Variants in DTX1 observed in about 807,000 individuals in gnomAD.
The protein encoded by DTX1 is deltex E3 ubiquitin ligase 1, also known as E3 ubiquitin-protein ligase DTX1.
DTX1 carries 26 observed loss-of-function variants against 57.8 expected under a neutral mutation model. The ratio of observed to expected loss-of-function variants is 0.45; its 90% CI spans 0.33 to 0.62. The LOEUF (loss-of-function observed/expected upper bound fraction) is 0.62. Ranked by LOEUF, DTX1 falls within the 20% of genes least tolerant of loss-of-function variation. The pLI is 0.02. For synonymous variants in DTX1, 398 were observed against 394.1 expected (o/e 1.01, Z -0.12); for missense variants, 704 against 895.3 (o/e 0.79, Z 2.73).
chr12:113,077,409 C>G lies in DTX1; in HGVS notation c.260-15C>G, dbSNP rs763660432. 4.4e-6 allele frequency: 7 copies of G among 1,588,460 alleles called. No homozygotes were observed. Among genetic ancestry groups the G allele is most frequent in the Non-Finnish European group, 6.0e-6 (7 of 1,171,236 alleles). On this transcript the variant is annotated splice_polypyrimidine_tract_variant and intron_variant, in intron 2 of 9. Coordinates refer to ENST00000548759, the MANE Select transcript of DTX1 (RefSeq NM_004416.3). This position sits in a 1 kb window ranked among gnomAD's most constrained non-coding sequence, Gnocchi z 7.8. ...CGCCCGCTGTGCTGACGCCTCCTCC[C>G]CATTTCGAGTACAGGCACCATGCGG...
Position 113,092,792 on chromosome 12 carries a change from A to G in DTX1, c.942-370A>G, listed in dbSNP as rs559701594. ...ATGGAAATTAATAATGCTACATCTA[A>G]CAAGCTTTGAGAGATGTTAAAATAG... is the stretch of plus-strand genomic sequence containing the variant. On this transcript the variant is annotated intron_variant, in intron 3 of 9. Coordinates refer to ENST00000548759, the MANE Select transcript of DTX1 (RefSeq NM_004416.3). Among the ~76,000 whole-genome samples, 110 of 152,284 alleles carry G rather than the reference A, an allele frequency of 7.2e-4. 2 individuals are homozygous for G. The highest frequency in any genetic ancestry group is 2.6e-3 in the African/African-American group (106 of 41,558).
intron 2 of DTX1, among the ~76,000 whole-genome samples, chr12:113,074,935 G>A (rs868269870): frequency 9.2e-5 from 14 of 151,834 alleles, no homozygotes; most frequent in African/African-American, 3.4e-4. Context: ...GAAGACTTCA[G>A]GAGGAGCAGG....
chr12:113,064,467 C>A (rs1470377308), intron 2 of DTX1, among the ~76,000 whole-genome samples: 2 of 152,178 alleles, frequency 1.3e-5, no homozygotes, highest in African/African-American at 4.8e-5. Context: ...AGGGCAAAAT[C>A]CATTTCAGAG....
chr12:113,058,603 T>C (rs1249650799), intron 2 of DTX1, 152 bp downstream of exon 2: 8 of 1,362,254 alleles, frequency 5.9e-6, no homozygotes, highest in Non-Finnish European at 7.8e-6. Context: ...TCTAACCTTG[T>C]CCAGTTTAAG....
Position 113,061,210 on chromosome 12 carries a change from G to GA in DTX1, c.259+2767dup, listed in dbSNP as rs200434970. Among the ~76,000 whole-genome samples, 138 of 151,574 alleles carry GA rather than the reference G, an allele frequency of 9.1e-4. 1 individual carries two copies. The highest frequency in any genetic ancestry group is 3.3e-3 in the African/African-American group (135 of 41,338). On this transcript the variant is annotated intron_variant, in intron 2 of 9. Coordinates refer to ENST00000548759, the MANE Select transcript of DTX1 (RefSeq NM_004416.3). ...CCTGCCCCCTGTTTGCCGGAAAAGG[G>GA]AAAAAAAACACTCATTCCTAAATGG...
At position 113,057,521 on chromosome 12, in the gene DTX1, G is replaced by T. The variant is rs2044634719; in HGVS notation, c.-672G>T. On this transcript the variant is annotated 5_prime_UTR_variant, in exon 2 of 10. Transcript: ENST00000548759. ...CTCGTCCCCCTCGTCCCCCAGCCCA[G>T]CTCCGGAGCCGCAGTCCAGGCGCGC... 2 of 141,238 alleles carry T rather than the reference G, an allele frequency of 1.4e-5. No individual in the cohort carries two copies. The highest frequency in any genetic ancestry group is 6.9e-5 in the Admixed American group (1 of 14,442). 8.7% of individuals were successfully genotyped at this position (141,238 alleles called of 1,614,324 possible).
intron 3 of DTX1, among the ~76,000 whole-genome samples, chr12:113,082,717 T>C (rs1428484797): frequency 3.3e-5 from 5 of 152,162 alleles, no homozygotes; most frequent in Non-Finnish European, 7.4e-5. Context: ...TGATTCAGCC[T>C]CCCAAGTAGG....
chr12:113,088,480 G>A (rs1223201481), intron 3 of DTX1, among the ~76,000 whole-genome samples: 2 of 152,204 alleles, frequency 1.3e-5, no homozygotes, highest in Non-Finnish European at 2.9e-5. Context: ...GCTTAAAGAG[G>A]GATAACATTA....
intron 2 of DTX1, among the ~76,000 whole-genome samples, chr12:113,076,458 GAAA>G (rs56382675): frequency 7.8e-4 from 99 of 126,508 alleles, no homozygotes; most frequent in Non-Finnish European, 9.8e-4. Flanking sequence ...ACTCTGCCTG[GAAA>G]AAAAAAAAAA....
rs2044626458 is a variant in DTX1 at position 113,056,826 on chromosome 12, G to A, written c.-863G>A. On this transcript the variant is annotated 5_prime_UTR_variant, in exon 1 of 10. Transcript: ENST00000548759. Reference sequence around the variant, plus strand: ...GGAAAGCTCGGCGCGGCGGCCGAGGGGCCTGGGAGGGAACGGGCGCGGAGG... The same window carrying A: ...GGAAAGCTCGGCGCGGCGGCCGAGGAGCCTGGGAGGGAACGGGCGCGGAGG... 1 of 152,208 alleles carries A rather than the reference G, an allele frequency of 6.6e-6. No homozygotes were observed. Among genetic ancestry groups the A allele is most frequent in the African/African-American group, 2.4e-5 (1 of 41,442 alleles). 9.4% of individuals were successfully genotyped at this position (152,208 alleles called of 1,614,324 possible). A position where few individuals can be genotyped will look rare whatever the true frequency, so the allele number is the denominator to read the frequency against.
Position 113,077,957 on chromosome 12 carries a change from G to A in DTX1, c.793G>A (p.Gly265Ser). ...CGCGCTCTGGGCAGCGCCCGCCGCC[G>A]GCCCCGCCGAGCCCGCGCCGCCTCC... ...GAALWAAPAA[G>S]PAEPAPPPGA... is the part of the protein sequence containing the mutation. The change falls in exon 3 of 10, where the codon GGC (glycine) becomes AGC (serine). Residue 265 changes from glycine (G) to serine (S), a missense_variant. Transcript: ENST00000548759. The surrounding 1 kb of genome is among the most constrained non-coding windows in gnomAD (Gnocchi z 7.8). 2.0e-6 allele frequency: 2 copies of A among 1,018,000 alleles called. No individual in the cohort carries two copies. Among genetic ancestry groups the A allele is most frequent in the Non-Finnish European group, 2.3e-6 (2 of 853,162 alleles). The allele number at this position is 1,018,000 out of a possible 1,614,324, so 63.1% of individuals were successfully genotyped here. A position where few individuals can be genotyped will look rare whatever the true frequency, so the allele number is the denominator to read the frequency against.
chr12:113,097,019 C>T lies in DTX1; in HGVS notation c.*80C>T, dbSNP rs1258949173. 3 of 1,455,538 alleles carry T rather than the reference C, an allele frequency of 2.1e-6. No homozygotes were observed. The Admixed American group carries it at 6.3e-5, about 30-fold the overall frequency. The allele number at this position is 1,455,538 out of a possible 1,614,324, so 90.2% of individuals were successfully genotyped here. ...CCTTCGCCAGGTGTGTCCTGGTAGC[C>T]CAGGTTCAGGGCTGGGGAGGAGCCT... On this transcript the variant is annotated 3_prime_UTR_variant, in exon 10 of 10. Coordinates refer to ENST00000548759, the MANE Select transcript of DTX1 (RefSeq NM_004416.3).
rs1386432040 is a variant in DTX1 at position 113,095,573 on chromosome 12, C to T, written c.1638+159C>T. The T allele has an allele frequency of 3.5e-6, 3 of 859,208 alleles. No homozygotes were observed. The African/African-American group carries it at 5.1e-5, about 15-fold the overall frequency. 53.2% of individuals were successfully genotyped at this position (859,208 alleles called of 1,614,324 possible). A position where few individuals can be genotyped will look rare whatever the true frequency, so the allele number is the denominator to read the frequency against. On this transcript the variant is annotated intron_variant, in intron 9 of 9. Coordinates refer to ENST00000548759, the MANE Select transcript of DTX1 (RefSeq NM_004416.3). ...AACGACCACAGCCACCTCCTTCACA[C>T]ATCTTATCTCGTTTCCTGAGCCACT...
chr12:113,060,247 A>C (rs943339953), intron 2 of DTX1, among the ~76,000 whole-genome samples: 1 of 152,148 alleles, frequency 6.6e-6, no homozygotes, highest in Non-Finnish European at 1.5e-5. Flanking sequence ...GCTGTGTGTC[A>C]ATTTCTGTGC....
In DTX1 at chr12:113,093,470, C is replaced by A; in HGVS notation, c.1004-69C>A. ...ACCCACCCGAGGGCCCCGGGATTCC[C>A]AGGGCCAGTGGTCGGGGGTTTGGGC... is the stretch of plus-strand genomic sequence containing the variant. On this transcript the variant is annotated intron_variant, in intron 4 of 9. Transcript: ENST00000548759. The surrounding 1 kb of genome is among the most constrained non-coding windows in gnomAD (Gnocchi z 4.2). 1 of 1,439,596 alleles carries A rather than the reference C, an allele frequency of 6.9e-7. No homozygotes were observed. The highest frequency in any genetic ancestry group is 2.5e-5 in the East Asian group (1 of 40,094). 89.2% of individuals were successfully genotyped at this position (1,439,596 alleles called of 1,614,324 possible). A position where few individuals can be genotyped will look rare whatever the true frequency, so the allele number is the denominator to read the frequency against.
chr12:113,075,222 G>A (rs2044763325), intron 2 of DTX1, among the ~76,000 whole-genome samples: 1 of 152,148 alleles, frequency 6.6e-6, no homozygotes, highest in Admixed American at 6.5e-5. Context: ...AGTTGCCTAC[G>A]CACAGTCACA....
At chr12:113,076,041 A>G (rs1228323174) in intron 2 of DTX1, among the ~76,000 whole-genome samples, 1 of 149,894 alleles carries the variant, frequency 6.7e-6, no homozygotes, top group East Asian at 2.0e-4. Context: ...GGGGAAGGAG[A>G]GAGGGGAAAG....
intron 3 of DTX1, among the ~76,000 whole-genome samples, chr12:113,089,386 G>A (rs1012060580): frequency 6.6e-6 from 1 of 152,158 alleles, no homozygotes; most frequent in Non-Finnish European, 1.5e-5. Flanking sequence ...GGCTTGCATG[G>A]CAGTGGGGCC....
intron 2 of DTX1, among the ~76,000 whole-genome samples, chr12:113,061,618 AC>A (rs1418969814): frequency 1.3e-5 from 2 of 152,164 alleles, no homozygotes; most frequent in Non-Finnish European, 2.9e-5. Flanking sequence ...TATCCCACAA[AC>A]ATCAACTAAT....
Sources: gnomAD v4.1 joint callset for allele counts (sites outside exome capture counted in the v4.1 genomes callset) on GRCh38, gnomAD v4.1.1 for gene constraint, Gnocchi (gnomAD v3.1) non-coding constraint, MANE v1.5 for transcripts, NCBI Gene and HGNC (gene_info 2026-07-23, HGNC 2026-07-21) for gene names.